ADAMTS17: variants seen among roughly 807,000 people sequenced by gnomAD.
ADAMTS17 encodes ADAM metallopeptidase with thrombospondin type 1 motif 17.
In ADAMTS17, 113 loss-of-function variants were observed where a neutral mutation model predicts 141.5. The ratio of observed to expected loss-of-function variants is 0.80; its 90% CI spans 0.69 to 0.93. ADAMTS17 has a LOEUF of 0.93. ADAMTS17 is among the 40% of genes least tolerant of loss of function. The pLI is 0.00. For synonymous variants in ADAMTS17, 768 were observed against 630.6 expected, an observed-to-expected ratio of 1.22 and a Z score of -3.27; for missense variants, 1,659 against 1,517.9, an observed-to-expected ratio of 1.09 and a Z score of -1.54.
intron 4 of ADAMTS17, among the ~76,000 whole-genome samples, chr15:100,280,956 A>T (rs1466960882): frequency 6.6e-6 from 1 of 152,058 alleles, no homozygotes; most frequent in Non-Finnish European, 1.5e-5. Context: ...TACTTTTGGG[A>T]AGGAAGCCTT....
In ADAMTS17 at chr15:100,209,557, C is replaced by T. The variant is rs1013035429; in HGVS notation, c.1076-10134G>A. ...CCCAGGGGAAGCCCTAGGACAATCT[C>T]CGCCTTTGCTGACAGGATATAAAAA... On this transcript the variant is annotated intron_variant, in intron 7 of 21. Coordinates refer to ENST00000268070, the MANE Select transcript of ADAMTS17 (RefSeq NM_139057.4). Among the ~76,000 whole-genome samples the T allele has an allele frequency of 3.3e-5, 5 of 151,990 alleles. No homozygotes were observed. The East Asian group carries it at 9.6e-4, about 29-fold the overall frequency.
intron 8 of ADAMTS17, among the ~76,000 whole-genome samples, chr15:100,178,942 C>T (rs1363653579): frequency 1.3e-5 from 2 of 152,114 alleles, no homozygotes; most frequent in South Asian, 2.1e-4. Flanking sequence ...AGAGGCAATA[C>T]ATTGTTCCCA....
intron 13 of ADAMTS17, 144 bp from the exon 14 acceptor site, chr15:100,109,260 C>CAGCTCCTCTAAACACGCGGCA: frequency 1.7e-6 from 2 of 1,165,200 alleles, no homozygotes; most frequent in Non-Finnish European, 2.4e-6. Context: ...GGTACGCGCT[C>CAGCTCCTCTAAACACGCGGCA]CAGGAAGCGG....
At chr15:100,092,391 T>C (rs1351226465) in intron 15 of ADAMTS17, among the ~76,000 whole-genome samples, 1 of 152,210 alleles carries the variant, frequency 6.6e-6, no homozygotes, top group Non-Finnish European at 1.5e-5. Flanking sequence ...ACACCAAGCA[T>C]GTCACTGCTG....
In ADAMTS17 at chr15:99,997,735, T is replaced by A; in HGVS notation, c.2592-146A>T. The A allele has an allele frequency of 1.1e-6, 1 of 942,330 alleles. No individual in the cohort carries two copies. The highest frequency in any genetic ancestry group is 1.6e-6 in the Non-Finnish European group (1 of 612,488). 58.4% of individuals were successfully genotyped at this position (942,330 alleles called of 1,614,324 possible). A position where few individuals can be genotyped will look rare whatever the true frequency, so the allele number is the denominator to read the frequency against. On this transcript the variant is annotated intron_variant, in intron 18 of 21. Coordinates refer to ENST00000268070, the MANE Select transcript of ADAMTS17 (RefSeq NM_139057.4). This position sits in a 1 kb window ranked among gnomAD's most constrained non-coding sequence, Gnocchi z 4.7. ...GAAGCTTTTCAGCCAACCCTGGACATAACTCAGAGTATCGGCACAGAGGGA... is the reference window on the plus strand; with the variant it reads ...GAAGCTTTTCAGCCAACCCTGGACAAAACTCAGAGTATCGGCACAGAGGGA...
At position 100,072,558 on chromosome 15, in the gene ADAMTS17, G is replaced by C. The variant is rs1451246996; in HGVS notation, c.2138-18504C>G. ...AGCATGGTACTGGTACCAAAACAGA[G>C]CTATAGACCAATGGAATAGAACAGA... On this transcript the variant is annotated intron_variant, in intron 15 of 21. Transcript: ENST00000268070. Among the ~76,000 whole-genome samples, 9 of 152,138 alleles carry C rather than the reference G, an allele frequency of 5.9e-5. No individual in the cohort carries two copies. In the East Asian group the frequency reaches 1.5e-3, roughly 26 times the overall value.
chr15:100,100,898 A>G (rs2036057751), intron 14 of ADAMTS17, among the ~76,000 whole-genome samples: 1 of 147,686 alleles, frequency 6.8e-6, no homozygotes. Flanking sequence ...CCAGATGCAC[A>G]GTGAATCCAA....
intron 8 of ADAMTS17, among the ~76,000 whole-genome samples, chr15:100,167,339 G>A (rs1026323334): frequency 5.9e-5 from 9 of 152,108 alleles, no homozygotes; most frequent in East Asian, 3.9e-4. Flanking sequence ...AGCTGAAAGC[G>A]TGGGCATTCA....
chr15:100,286,955 C>T (rs560167166), intron 3 of ADAMTS17, among the ~76,000 whole-genome samples: 111 of 152,268 alleles, frequency 7.3e-4, no homozygotes, highest in African/African-American at 2.4e-3. Context: ...TTTGCAAGGC[C>T]GAAGTGGGCG....
intron 18 of ADAMTS17, among the ~76,000 whole-genome samples, chr15:99,998,745 A>G (rs2060858369): frequency 6.6e-6 from 1 of 152,202 alleles, no homozygotes; most frequent in Non-Finnish European, 1.5e-5. Flanking sequence ...TGACACACAA[A>G]GGGCTTCCAG....
intron 18 of ADAMTS17, among the ~76,000 whole-genome samples, chr15:100,024,151 T>C (rs2061459559): frequency 6.6e-6 from 1 of 152,176 alleles, no homozygotes; most frequent in African/African-American, 2.4e-5. Context: ...TGGAGGGCAG[T>C]GGTACAATTC....
intron 7 of ADAMTS17, among the ~76,000 whole-genome samples, chr15:100,210,951 A>C (rs1004731479): frequency 2.0e-4 from 31 of 152,024 alleles, no homozygotes; most frequent in African/African-American, 6.5e-4. Context: ...AATACAAAAA[A>C]TTAGCTGGGC....
At chr15:100,005,405 T>A (rs1387676521) in intron 18 of ADAMTS17, among the ~76,000 whole-genome samples, 1 of 152,184 alleles carries the variant, frequency 6.6e-6, no homozygotes, top group Non-Finnish European at 1.5e-5. Context: ...GGGAAGAATC[T>A]GTCTCCTGCC....
chr15:100,054,508 T>C lies in ADAMTS17; in HGVS notation c.2138-454A>G, dbSNP rs577514359. On this transcript the variant is annotated intron_variant, in intron 15 of 21. Coordinates refer to ENST00000268070, the MANE Select transcript of ADAMTS17 (RefSeq NM_139057.4). Reference sequence around the variant, plus strand: ...AGCAAAACTCATCAGTTCCCTTTCCTATTACCTACCTGGGGTTCCAGAAGG... The same window carrying C: ...AGCAAAACTCATCAGTTCCCTTTCCCATTACCTACCTGGGGTTCCAGAAGG... Among the ~76,000 whole-genome samples the C allele has an allele frequency of 2.2e-4, 34 of 152,330 alleles. No homozygotes were observed. In the South Asian group the frequency reaches 4.6e-3, roughly 20 times the overall value.
At chr15:100,312,586 T>C (rs1339595644) in intron 3 of ADAMTS17, among the ~76,000 whole-genome samples, 1 of 152,224 alleles carries the variant, frequency 6.6e-6, no homozygotes, top group African/African-American at 2.4e-5. Flanking sequence ...CCTGCCAGAA[T>C]GCCTTGGATA....
At chr15:100,048,302 C>G (rs1374121117) in intron 18 of ADAMTS17, among the ~76,000 whole-genome samples, 1 of 152,172 alleles carries the variant, frequency 6.6e-6, no homozygotes, top group Non-Finnish European at 1.5e-5. Context: ...GGAGGCTTAG[C>G]TGATGAACGC....
At chr15:100,130,221 G>T (rs1171536569) in intron 12 of ADAMTS17, among the ~76,000 whole-genome samples, 1 of 152,030 alleles carries the variant, frequency 6.6e-6, no homozygotes, top group Non-Finnish European at 1.5e-5. Flanking sequence ...AAAAGTAGCT[G>T]GGAGTTGTGG....
chr15:100,186,698 C>T (rs1005667812), intron 8 of ADAMTS17, among the ~76,000 whole-genome samples: 3 of 152,192 alleles, frequency 2.0e-5, no homozygotes, highest in African/African-American at 7.2e-5. Context: ...CAGCAGTATC[C>T]AGCTCACAGT....
chr15:100,325,566 T>C (rs118134483), intron 3 of ADAMTS17, among the ~76,000 whole-genome samples: 1,800 of 152,306 alleles, frequency 0.012, 21 homozygotes, highest in Middle Eastern at 0.031. Context: ...GGATCCCTCA[T>C]GAATGGCTTA....
Sources: allele counts gnomAD v4.1 joint callset (sites outside exome capture counted in the v4.1 genomes callset), GRCh38; gene constraint gnomAD v4.1.1; non-coding constraint Gnocchi (gnomAD v3.1); transcripts MANE v1.5; gene names NCBI Gene and HGNC (gene_info 2026-07-23, HGNC 2026-07-21).